FTO: variants seen among roughly 807,000 people sequenced by gnomAD.
FTO encodes the protein FTO alpha-ketoglutarate dependent dioxygenase.
Under a neutral mutation model 63.9 loss-of-function variants are expected in FTO, and 47 were observed. The observed-to-expected ratio is 0.74, with a 90% confidence interval of 0.58 to 0.94. The LOEUF is 0.94. Among genes scored for constraint, FTO ranks in the 40% least tolerant of loss-of-function variants. The pLI, the probability that FTO is intolerant of heterozygous loss-of-function variation, is 0.00. For synonymous variants in FTO, 207 were observed against 224.4 expected, an observed-to-expected ratio of 0.92 and a Z score of 0.69; for missense variants, 562 against 618.1, an observed-to-expected ratio of 0.91 and a Z score of 0.96.
intron 8 of FTO, among the ~76,000 whole-genome samples, chr16:54,090,407 C>A (rs1027648511): frequency 6.6e-6 from 1 of 152,098 alleles, no homozygotes; most frequent in South Asian, 2.1e-4. Context: ...TTGCCTAACA[C>A]GTACAGCATT....
chr16:53,778,157 G>A (rs2151648554), intron 1 of FTO, among the ~76,000 whole-genome samples: 1 of 152,180 alleles, frequency 6.6e-6, no homozygotes, highest in South Asian at 2.1e-4. Context: ...GGAATGCATG[G>A]TAAAGAACAT....
At chr16:54,029,421 G>A (rs1224334819) in intron 8 of FTO, among the ~76,000 whole-genome samples, 1 of 152,106 alleles carries the variant, frequency 6.6e-6, no homozygotes. Context: ...GTTCATGGAG[G>A]AAGAAAAGCT....
chr16:54,030,301 T>A (rs1263457135), intron 8 of FTO, among the ~76,000 whole-genome samples: 1 of 152,188 alleles, frequency 6.6e-6, no homozygotes, highest in Non-Finnish European at 1.5e-5. Flanking sequence ...GATTCAACAT[T>A]TTTTTCTTCT....
chr16:53,751,117 C>G (rs1407871115), intron 1 of FTO, among the ~76,000 whole-genome samples: 1 of 152,038 alleles, frequency 6.6e-6, no homozygotes, highest in Non-Finnish European at 1.5e-5. Flanking sequence ...ACATAAAATA[C>G]ACTAACACTG....
At chr16:54,060,281 G>T (rs144315302) in intron 8 of FTO, among the ~76,000 whole-genome samples, 1 of 152,152 alleles carries the variant, frequency 6.6e-6, no homozygotes, top group Admixed American at 6.5e-5. Context: ...GGGTTCAACC[G>T]AAAGACTCAG....
chr16:54,078,610 TAG>T (rs1309033492), intron 8 of FTO, among the ~76,000 whole-genome samples: 13 of 152,066 alleles, frequency 8.5e-5, no homozygotes, highest in Non-Finnish European at 1.3e-4. Context: ...GCACTTCAGA[TAG>T]AGTTTGTGTC....
At chr16:53,844,427 A>G (rs1188971079) in intron 4 of FTO, 129 bp downstream of exon 4, 2 of 757,026 alleles carry the variant, frequency 2.6e-6, no homozygotes, top group African/African-American at 3.5e-5. Flanking sequence ...AAACTTCTTT[A>G]TAAGAACATG....
intron 3 of FTO, among the ~76,000 whole-genome samples, chr16:53,840,034 A>G (rs2079428296): frequency 6.6e-6 from 1 of 151,782 alleles, no homozygotes; most frequent in Non-Finnish European, 1.5e-5. Flanking sequence ...CAATCTCCTG[A>G]CCTCGTGATC....
chr16:53,798,224 G>C (rs2078127884), intron 1 of FTO, among the ~76,000 whole-genome samples: 1 of 152,054 alleles, frequency 6.6e-6, no homozygotes, highest in African/African-American at 2.4e-5. Context: ...ACTAAGTCTT[G>C]AAGTTAGGTA....
chr16:53,775,544 T>C (rs2077439708), intron 1 of FTO, among the ~76,000 whole-genome samples: 1 of 152,172 alleles, frequency 6.6e-6, no homozygotes, highest in Non-Finnish European at 1.5e-5. Context: ...TCCACTGTGC[T>C]CCTGTCCTTC....
intron 8 of FTO, among the ~76,000 whole-genome samples, chr16:53,975,896 C>G (rs867813896): frequency 6.6e-6 from 1 of 152,134 alleles, no homozygotes; most frequent in South Asian, 2.1e-4. Flanking sequence ...TGAGTAGGTG[C>G]TATTATTTCC....
chr16:53,801,482 A>T (rs1309063084), intron 1 of FTO, among the ~76,000 whole-genome samples: 2 of 151,998 alleles, frequency 1.3e-5, no homozygotes, highest in African/African-American at 4.8e-5. Context: ...ACTTAGTGAG[A>T]AGTCTTTTAT....
intron 5 of FTO, among the ~76,000 whole-genome samples, chr16:53,874,736 A>G (rs1161623534): frequency 6.6e-6 from 1 of 152,178 alleles, no homozygotes; most frequent in Non-Finnish European, 1.5e-5. Flanking sequence ...TACCAGTGGA[A>G]CGATCATATT....
chr16:53,858,972 T>C (rs999177240), intron 4 of FTO, among the ~76,000 whole-genome samples: 3 of 152,168 alleles, frequency 2.0e-5, no homozygotes, highest in Non-Finnish European at 4.4e-5. Context: ...TTTTGCTTTC[T>C]AAATAAGCAA....
At chr16:54,038,386 C>T (rs149805851) in intron 8 of FTO, among the ~76,000 whole-genome samples, 40 of 152,286 alleles carry the variant, frequency 2.6e-4, no homozygotes, top group African/African-American at 8.4e-4. Flanking sequence ...CTTCTGCTGC[C>T]ATAGCAGCTG....
chr16:53,933,748 G>C (rs2082330171), intron 7 of FTO, among the ~76,000 whole-genome samples: 2 of 152,150 alleles, frequency 1.3e-5, no homozygotes, highest in African/African-American at 4.8e-5. Flanking sequence ...AGAATGCGCA[G>C]TATCTTGATG....
At chr16:53,892,860 T>A (rs1567406949) in intron 7 of FTO, among the ~76,000 whole-genome samples, 1 of 152,184 alleles carries the variant, frequency 6.6e-6, no homozygotes, top group Non-Finnish European at 1.5e-5. Context: ...TATAGAAGAA[T>A]GGAAAATGAG....
At chr16:53,737,807 A>G (rs2076424639) in intron 1 of FTO, among the ~76,000 whole-genome samples, 1 of 152,138 alleles carries the variant, frequency 6.6e-6, no homozygotes, top group Non-Finnish European at 1.5e-5. Flanking sequence ...ATTAAAGATG[A>G]CTAGTCTTTT....
At chr16:53,724,804 G>A (rs2076117261) in intron 1 of FTO, among the ~76,000 whole-genome samples, 1 of 152,184 alleles carries the variant, frequency 6.6e-6, no homozygotes, top group Non-Finnish European at 1.5e-5. Context: ...GAAGCCCCGA[G>A]GAAGAAATTC....
Sources: gnomAD v4.1 joint callset for allele counts (sites outside exome capture counted in the v4.1 genomes callset) on GRCh38, gnomAD v4.1.1 for gene constraint, MANE v1.5 for transcripts, NCBI Gene and HGNC (gene_info 2026-07-23, HGNC 2026-07-21) for gene names.